The following COPS7B variants were observed in gnomAD, a reference collection of about 807,000 sequenced individuals.
COPS7B encodes COP9 signalosome complex subunit 7b.
A neutral mutation model predicts 33.4 loss-of-function variants in COPS7B; 9 were observed. That is an observed-to-expected ratio of 0.27 (90% confidence interval 0.16 to 0.47). COPS7B has a LOEUF of 0.47. Among genes scored for constraint, COPS7B ranks in the 20% least tolerant of loss-of-function variants. The probability of loss-of-function intolerance (pLI) is 0.99; values close to 1 mark genes in which losing one functional copy is unlikely to be tolerated. For missense variants in COPS7B, 242 were observed against 318.2 expected (o/e 0.76, Z 1.82); for synonymous variants, 119 against 126.3 (o/e 0.94, Z 0.39).
chr2:231,794,351 G>T lies in COPS7B; in HGVS notation c.327G>T (p.Lys109Asn). The change falls in exon 4 of 7, where the codon AAG becomes AAT. Residue 109 changes from lysine to asparagine, a missense_variant and splice_region_variant. Lys to Asn is a moderately conservative substitution (Grantham distance 94). Coordinates refer to ENST00000350033, the MANE Select transcript of COPS7B (RefSeq NM_022730.4). ...TCGTGAGCTTGGCATCAAGAATGAA[G>T]GTACGGTACTGAGCCTTCTCTTGTC... Reference protein sequence around the residue: ...LTIVSLASRMKCIPYSVLLKD... With the variant: ...LTIVSLASRMNCIPYSVLLKD... 6.2e-7 allele frequency: 1 copy of T among 1,613,116 alleles called. No homozygotes were observed. Among genetic ancestry groups the T allele is most frequent in the Non-Finnish European group, 8.5e-7 (1 of 1,179,180 alleles).
At chr2:231,797,546 T>C (rs79470483) in intron 5 of COPS7B, among the ~76,000 whole-genome samples, 9,757 of 152,256 alleles carry the variant, frequency 0.064, 970 homozygotes, top group African/African-American at 0.21. Context: ...CATAGTCTGG[T>C]TTCCTGTTTT....
chr2:231,803,924 G>A (rs757435457), intron 6 of COPS7B, among the ~76,000 whole-genome samples: 12 of 152,182 alleles, frequency 7.9e-5, no homozygotes, highest in Non-Finnish European at 1.5e-4. Flanking sequence ...GAGCGTTGCC[G>A]TTGGTGGATG....
chr2:231,786,816 C>T (rs1455512550), intron 1 of COPS7B, among the ~76,000 whole-genome samples: 1 of 152,210 alleles, frequency 6.6e-6, no homozygotes, highest in African/African-American at 2.4e-5. Flanking sequence ...CTCTCCAGTC[C>T]ATCCAAATAG....
Position 231,808,827 on chromosome 2 carries a change from G to GTGTGTGTA in COPS7B, c.*1189_*1190insATGTGTGT, listed in dbSNP as rs1291416640. 2.0e-5 allele frequency: 5 copies of GTGTGTGTA among 250,222 alleles called. No homozygotes were observed. The highest frequency in any genetic ancestry group is 1.1e-4 in the Admixed American group (2 of 18,530). 15.5% of individuals were successfully genotyped at this position (250,222 alleles called of 1,614,324 possible). On this transcript the variant is annotated 3_prime_UTR_variant, in exon 7 of 7. Coordinates refer to ENST00000350033, the MANE Select transcript of COPS7B (RefSeq NM_022730.4). ...TGTGTGTGTGTGTGTGTGTGTGTGT[G>GTGTGTGTA]TGTGTGTGTGTGTGTTTGTAGGTCC...
intron 6 of COPS7B, among the ~76,000 whole-genome samples, chr2:231,801,906 C>T (rs1203024986): frequency 5.9e-5 from 9 of 152,104 alleles, no homozygotes; most frequent in African/African-American, 1.9e-4. Context: ...TCCTGAGTAG[C>T]TGGGATTACA....
Position 231,807,940 on chromosome 2 carries a change from C to T in COPS7B, c.*295C>T. The T allele has an allele frequency of 7.2e-6, 2 of 279,690 alleles. No individual in the cohort carries two copies. The highest frequency in any genetic ancestry group is 8.5e-5 in the South Asian group (1 of 11,718). 17.3% of individuals were successfully genotyped at this position (279,690 alleles called of 1,614,324 possible). A position where few individuals can be genotyped will look rare whatever the true frequency, so the allele number is the denominator to read the frequency against. ...TTCTTGTCTCTGTGTAAGGGCTTGT[C>T]TCCCTCCCAGTTTTTCTTTTGCTCC... On this transcript the variant is annotated 3_prime_UTR_variant, in exon 7 of 7. Transcript: ENST00000350033.
chr2:231,790,052 G>A (rs1359227790), intron 2 of COPS7B: 1 of 152,218 alleles, frequency 6.6e-6, no homozygotes, highest in Non-Finnish European at 1.5e-5. Context: ...TACGTAGCCT[G>A]ACACACAGTA....
chr2:231,791,605 C>T, intron 2 of COPS7B, 128 bp from the exon 3 acceptor site: 1 of 712,426 alleles, frequency 1.4e-6, no homozygotes, highest in Admixed American at 2.7e-5. Context: ...CCCCAGGGGC[C>T]AAGTAATCAA....
upstream of COPS7B, among the ~76,000 whole-genome samples, chr2:231,783,618 ATTTGTAGTTC>A (rs1469697290): frequency 6.6e-6 from 1 of 152,060 alleles, no homozygotes; most frequent in East Asian, 1.9e-4. Context: ...CTTCTTATTG[ATTTGTAGTTC>A]TTTACAGTCT....
At position 231,787,823 on chromosome 2, in the gene COPS7B, A is replaced by G. The variant is rs1186600935; in HGVS notation, c.-16-732A>G. On this transcript the variant is annotated intron_variant, in intron 1 of 6. Coordinates refer to ENST00000350033, the MANE Select transcript of COPS7B (RefSeq NM_022730.4). ...GCTGTAGATTGGATTCTGATGACAC[A>G]GTGGGAGCTGTAACTGATTGCTTTT... is the stretch of plus-strand genomic sequence containing the variant. 2.0e-5 allele frequency among the ~76,000 whole-genome samples: 3 copies of G among 152,152 alleles called. No homozygotes were observed. In the East Asian group the frequency reaches 5.8e-4, roughly 29 times the overall value.
chr2:231,798,831 A>C (rs1203730068), intron 5 of COPS7B, 28 bp from the exon 6 acceptor site: 2 of 1,589,286 alleles, frequency 1.3e-6, no homozygotes, highest in Non-Finnish European at 1.7e-6. Flanking sequence ...GCCATTCTGC[A>C]GCTCAGGGCT....
rs34357497 is a variant in COPS7B at position 231,807,627 on chromosome 2, G to A, written c.777G>A (p.Leu259=). 9.0e-5 allele frequency: 140 copies of A among 1,550,536 alleles called. No individual in the cohort carries two copies. In the African/African-American group the frequency reaches 1.7e-3, roughly 19 times the overall value. Residue 259 remains leucine, a synonymous_variant, in exon 7 of 7, where the codon CTG becomes CTA. Transcript: ENST00000350033. The stretch of plus-strand genomic sequence containing the variant: ...AGAAGATGTCCAAAGTGAAAGGTCT[G>A]GTCTCCAGCCGCCACTAGGGCCGGC... ...PTKKMSKVKG[L]VSSRH
Position 231,796,092 on chromosome 2 carries a change from G to T in COPS7B, c.328-14G>T. ...CAGATGGTTTTTATAATGATCACAT[G>T]GCCTTATCTACAGTGTATCCCCTAC... On this transcript the variant is annotated splice_polypyrimidine_tract_variant and intron_variant, in intron 4 of 6. Transcript: ENST00000350033. The T allele has an allele frequency of 6.2e-7, 1 of 1,609,982 alleles. No homozygotes were observed. Among genetic ancestry groups the T allele is most frequent in the South Asian group, 1.1e-5 (1 of 90,914 alleles).
At position 231,807,964 on chromosome 2, in the gene COPS7B, C is replaced by G. The variant is rs921341545; in HGVS notation, c.*319C>G. ...TCTCCCTCCCAGTTTTTCTTTTGCT[C>G]CACGTCATTTTGTCAGGCTGGTTAT... is the stretch of plus-strand genomic sequence containing the variant. On this transcript the variant is annotated 3_prime_UTR_variant, in exon 7 of 7. Coordinates refer to ENST00000350033, the MANE Select transcript of COPS7B (RefSeq NM_022730.4). 2 of 238,262 alleles carry G rather than the reference C, an allele frequency of 8.4e-6. No individual in the cohort carries two copies. Among genetic ancestry groups the G allele is most frequent in the Non-Finnish European group, 8.1e-6 (1 of 123,084 alleles). 14.8% of individuals were successfully genotyped at this position (238,262 alleles called of 1,614,324 possible).
At position 231,791,929 on chromosome 2, in the gene COPS7B, C is replaced by A. The variant is rs1447056291; in HGVS notation, c.238+121C>A. 6 of 873,016 alleles carry A rather than the reference C, an allele frequency of 6.9e-6. No homozygotes were observed. The East Asian group carries it at 1.5e-4, about 22-fold the overall frequency. 54.1% of individuals were successfully genotyped at this position (873,016 alleles called of 1,614,324 possible). On this transcript the variant is annotated intron_variant, in intron 3 of 6. Transcript: ENST00000350033. ...GGAGACTTCTTGACCTGGCTGCCTC[C>A]CATTTTGCTGTGCCCGGTGGGTGAC...
chr2:231,805,577 C>T (rs187314511), intron 6 of COPS7B, among the ~76,000 whole-genome samples: 2 of 151,632 alleles, frequency 1.3e-5, no homozygotes, highest in East Asian at 3.9e-4. Flanking sequence ...GATCCTCCTG[C>T]CTCAGCCTCC....
chr2:231,782,389 T>A (rs964832172), upstream of COPS7B, among the ~76,000 whole-genome samples: 22 of 152,224 alleles, frequency 1.4e-4, no homozygotes, highest in African/African-American at 3.9e-4. Context: ...TTTGGTGTTT[T>A]GTTTTTTGCC....
chr2:231,804,816 T>C (rs779307085), intron 6 of COPS7B, among the ~76,000 whole-genome samples: 1 of 152,196 alleles, frequency 6.6e-6, no homozygotes, highest in Non-Finnish European at 1.5e-5. Flanking sequence ...TTAAAACACA[T>C]TCCCTCAGGT....
chr2:231,788,476 G>A, intron 1 of COPS7B, 79 bp from the exon 2 acceptor site: 1 of 1,291,094 alleles, frequency 7.7e-7, no homozygotes. Flanking sequence ...AAGTATTCTG[G>A]TGTTTGATTC....
Sources: gnomAD v4.1 joint callset for allele counts (sites outside exome capture counted in the v4.1 genomes callset) on GRCh38, gnomAD v4.1.1 for gene constraint, MANE v1.5 for transcripts, NCBI Gene and HGNC (gene_info 2026-07-23, HGNC 2026-07-21) for gene names.